Variants in DPYSL2 observed in about 807,000 individuals in gnomAD.
DPYSL2 encodes the protein dihydropyrimidinase like 2.
Under a neutral mutation model 69.9 loss-of-function variants are expected in DPYSL2, and 13 were observed. That is an observed-to-expected ratio of 0.19 (90% CI 0.12 to 0.30). The LOEUF (loss-of-function observed/expected upper bound fraction) is 0.30. Among genes scored for constraint, DPYSL2 ranks in the 10% least tolerant of loss-of-function variants. The probability of loss-of-function intolerance (pLI) is 1.00; values close to 1 mark genes in which losing one functional copy is unlikely to be tolerated. For missense variants in DPYSL2, 587 were observed against 918.9 expected (o/e 0.64, Z 4.67); for synonymous variants, 326 against 359.1 (o/e 0.91, Z 1.04).
rs1022930560 is a variant in DPYSL2, at chr8:26,585,518, G to C, written c.628+1535G>C. Among the ~76,000 whole-genome samples the C allele has an allele frequency of 6.6e-6, 1 of 152,122 alleles. No individual in the cohort carries two copies. Among genetic ancestry groups the C allele is most frequent in the Admixed American group, 6.5e-5 (1 of 15,270 alleles). Reference sequence around the variant, plus strand: ...TTGCGACTTGTGTCTTGCTGTACATGTTGCCCTTTAACCTAGTGGGTGCCA... The same window carrying C: ...TTGCGACTTGTGTCTTGCTGTACATCTTGCCCTTTAACCTAGTGGGTGCCA... On this transcript the variant is annotated intron_variant, in intron 3 of 13. Coordinates refer to ENST00000521913, the MANE Select transcript of DPYSL2 (RefSeq NM_001197293.3). This position sits in a 1 kb window ranked among gnomAD's most constrained non-coding sequence, Gnocchi z 4.0.
chr8:26,561,555 A>G (rs1268556238), intron 1 of DPYSL2, among the ~76,000 whole-genome samples: 3 of 147,272 alleles, frequency 2.0e-5, no homozygotes, highest in Non-Finnish European at 3.0e-5. Context: ...CCATAATCCC[A>G]CACCCCCACT....
At chr8:26,635,239 C>T (rs1802883623) in intron 8 of DPYSL2, among the ~76,000 whole-genome samples, 2 of 152,236 alleles carry the variant, frequency 1.3e-5, no homozygotes, top group Non-Finnish European at 2.9e-5. Context: ...TCCATCCGCC[C>T]CAGAATCCTT....
At chr8:26,570,150 G>C (rs778482632) in intron 1 of DPYSL2, among the ~76,000 whole-genome samples, 4 of 152,170 alleles carry the variant, frequency 2.6e-5, no homozygotes, top group Non-Finnish European at 4.4e-5. Context: ...CTACTAACCA[G>C]GGTCTTCTCT....
chr8:26,573,716 AAT>A (rs1447344981), intron 1 of DPYSL2, among the ~76,000 whole-genome samples: 1 of 150,984 alleles, frequency 6.6e-6, no homozygotes, highest in African/African-American at 2.4e-5. Flanking sequence ...GGGCACCTGT[AAT>A]CCCAGCTACT....
chr8:26,582,312 T>C lies in DPYSL2; in HGVS notation c.443+255T>C, dbSNP rs891958602. ...TTTACTATTTTTAACTGAGGTGATA[T>C]GATATCTTTCTGTTGCCAGCTCAAA... On this transcript the variant is annotated intron_variant, in intron 2 of 13. Transcript: ENST00000521913. This position sits in a 1 kb window ranked among gnomAD's most constrained non-coding sequence, Gnocchi z 4.1. 1.3e-5 allele frequency among the ~76,000 whole-genome samples: 2 copies of C among 152,264 alleles called. No individual in the cohort carries two copies. Among genetic ancestry groups the C allele is most frequent in the African/African-American group, 4.8e-5 (2 of 41,474 alleles).
At chr8:26,583,132 A>G (rs1463718197) in intron 2 of DPYSL2, among the ~76,000 whole-genome samples, 1 of 152,196 alleles carries the variant, frequency 6.6e-6, no homozygotes, top group East Asian at 1.9e-4. Flanking sequence ...CTTCTCCTAG[A>G]TTAATATTCC....
rs1412770590 is a variant in DPYSL2 at position 26,517,724 on chromosome 8, AAAC to A, written c.354+3049_354+3051del. On this transcript the variant is annotated intron_variant, in intron 1 of 13. Transcript: ENST00000521913. This position sits in a 1 kb window ranked among gnomAD's most constrained non-coding sequence, Gnocchi z 4.2. ...GCCTCTAGGCCCTTTTCCCAGCAGCAAACAACCTATGCAGGCTGGAGTGACAGG... is the reference window on the plus strand; with the variant it reads ...GCCTCTAGGCCCTTTTCCCAGCAGCAAACCTATGCAGGCTGGAGTGACAGG... 6.6e-6 allele frequency among the ~76,000 whole-genome samples: 1 copy of A among 152,244 alleles called. No individual in the cohort carries two copies. The highest frequency in any genetic ancestry group is 1.9e-4 in the East Asian group (1 of 5,186).
chr8:26,592,110 A>G (rs1182503120), intron 3 of DPYSL2, among the ~76,000 whole-genome samples: 2 of 152,200 alleles, frequency 1.3e-5, no homozygotes, highest in Non-Finnish European at 2.9e-5. Flanking sequence ...ATGACAGCCC[A>G]TAATAGGTGA....
At position 26,609,162 on chromosome 8, in the gene DPYSL2, T is replaced by C. The variant is rs1296445769; in HGVS notation, c.629-14981T>C. 1.3e-5 allele frequency among the ~76,000 whole-genome samples: 2 copies of C among 152,240 alleles called. No individual in the cohort carries two copies. Among genetic ancestry groups the C allele is most frequent in the Non-Finnish European group, 2.9e-5 (2 of 68,036 alleles). On this transcript the variant is annotated intron_variant, in intron 3 of 13. Coordinates refer to ENST00000521913, the MANE Select transcript of DPYSL2 (RefSeq NM_001197293.3). This position sits in a 1 kb window ranked among gnomAD's most constrained non-coding sequence, Gnocchi z 6.5. ...TTATGTATTGTCTGCCCATAAATGA[T>C]GTCTTGAAATAGAGGGGTGAGCATC...
chr8:26,608,612 CT>C (rs1167489361), intron 3 of DPYSL2, among the ~76,000 whole-genome samples: 2 of 152,184 alleles, frequency 1.3e-5, no homozygotes, highest in Non-Finnish European at 2.9e-5. Flanking sequence ...TAAAAGCTCC[CT>C]GAACAACAGG....
Position 26,586,386 on chromosome 8 carries a change from T to C in DPYSL2, c.628+2403T>C, listed in dbSNP as rs1801603175. 6.6e-6 allele frequency among the ~76,000 whole-genome samples: 1 copy of C among 152,186 alleles called. No individual in the cohort carries two copies. The highest frequency in any genetic ancestry group is 1.5e-5 in the Non-Finnish European group (1 of 68,038). ...CAGAGAGATTTTGCCTCTCATCAAG[T>C]ACATGTTGCTCAGCAGATACAGAAA... On this transcript the variant is annotated intron_variant, in intron 3 of 13. Transcript: ENST00000521913. This position sits in a 1 kb window ranked among gnomAD's most constrained non-coding sequence, Gnocchi z 4.7.
chr8:26,627,142 G>C lies in DPYSL2; in HGVS notation c.856-73G>C, dbSNP rs1277771570. On this transcript the variant is annotated intron_variant, in intron 5 of 13. Transcript: ENST00000521913. The surrounding 1 kb of genome is among the most constrained non-coding windows in gnomAD (Gnocchi z 6.9). ...TTCTCATCCCAGAAATGCCTCTGGT[G>C]GGGAGATGATTGTCTTTGTGAACAG... The C allele has an allele frequency of 2.1e-6, 3 of 1,402,734 alleles. No individual in the cohort carries two copies. The highest frequency in any genetic ancestry group is 1.4e-5 in the African/African-American group (1 of 70,934). 86.9% of individuals were successfully genotyped at this position (1,402,734 alleles called of 1,614,324 possible).
At chr8:26,629,944 AGCACACACACGT>A in intron 7 of DPYSL2, among the ~76,000 whole-genome samples, 1 of 151,248 alleles carries the variant, frequency 6.6e-6, no homozygotes, top group East Asian at 2.0e-4. Context: ...CACGTGCACA[AGCACACACACGT>A]GCACACACTC....
Position 26,533,037 on chromosome 8 carries a change from A to G in DPYSL2, c.354+18358A>G, listed in dbSNP as rs560520659. On this transcript the variant is annotated intron_variant, in intron 1 of 13. Coordinates refer to ENST00000521913, the MANE Select transcript of DPYSL2 (RefSeq NM_001197293.3). This position sits in a 1 kb window ranked among gnomAD's most constrained non-coding sequence, Gnocchi z 4.8. Reference sequence around the variant, plus strand: ...CCAACTTCGCCGCATCCTTGTCTACACTTGTTATTGTCTGTCTTTTTGATT... The same window carrying G: ...CCAACTTCGCCGCATCCTTGTCTACGCTTGTTATTGTCTGTCTTTTTGATT... Among the ~76,000 whole-genome samples the G allele has an allele frequency of 9.2e-5, 14 of 152,210 alleles. No individual in the cohort carries two copies. Among genetic ancestry groups the G allele is most frequent in the South Asian group, 4.2e-4 (2 of 4,812 alleles).
chr8:26,514,497 G>A lies in DPYSL2; in HGVS notation c.172G>A (p.Gly58Ser). 6.5e-7 allele frequency: 1 copy of A among 1,529,530 alleles called. No individual in the cohort carries two copies. The highest frequency in any genetic ancestry group is 8.7e-7 in the Non-Finnish European group (1 of 1,144,682). 94.7% of individuals were successfully genotyped at this position (1,529,530 alleles called of 1,614,324 possible). Reference sequence around the variant, plus strand: ...CATCGACTTCGACTCGCTGTCGGTGGGCCGGGGCTCGGGGCAGGTGGTGGC... The same window carrying A: ...CATCGACTTCGACTCGCTGTCGGTGAGCCGGGGCTCGGGGCAGGTGGTGGC... Reference protein sequence around the residue: ...KTIDFDSLSVGRGSGQVVAQQ... With the variant: ...KTIDFDSLSVSRGSGQVVAQQ... Residue 58 changes from glycine to serine, a missense_variant, in exon 1 of 14, where the codon GGC becomes AGC. By Grantham distance (56) the Gly-to-Ser change is moderately conservative. Coordinates refer to ENST00000521913, the MANE Select transcript of DPYSL2 (RefSeq NM_001197293.3). This position sits in a 1 kb window ranked among gnomAD's most constrained non-coding sequence, Gnocchi z 8.4.
Position 26,617,857 on chromosome 8 carries a change from G to A in DPYSL2, c.629-6286G>A, listed in dbSNP as rs1802391350. Among the ~76,000 whole-genome samples, 1 of 152,158 alleles carries A rather than the reference G, an allele frequency of 6.6e-6. No homozygotes were observed. ...GGTTTGGGAGTAGCAGGGGTAGGAG[G>A]GAATGGGGAGTGACTGTAAGTGGGT... On this transcript the variant is annotated intron_variant, in intron 3 of 13. Transcript: ENST00000521913. This position sits in a 1 kb window ranked among gnomAD's most constrained non-coding sequence, Gnocchi z 4.7.
rs916735091 is a variant in DPYSL2, at chr8:26,624,382, A to G, written c.793+75A>G. 7 of 1,542,384 alleles carry G rather than the reference A, an allele frequency of 4.5e-6. No homozygotes were observed. The African/African-American group carries it at 8.2e-5, about 18-fold the overall frequency. ...ATCAACTGGCACAGCCCTGGGAAGA[A>G]AGTGATAATGCTTCCAGATCCCATT... On this transcript the variant is annotated intron_variant, in intron 4 of 13. Coordinates refer to ENST00000521913, the MANE Select transcript of DPYSL2 (RefSeq NM_001197293.3). This position sits in a 1 kb window ranked among gnomAD's most constrained non-coding sequence, Gnocchi z 4.7.
Position 26,647,069 on chromosome 8 carries a change from TA to T in DPYSL2, c.1426-558del, listed in dbSNP as rs990120795. ...GCCAATTGGGCCAAATGATATTTCC[TA>T]AAGAGGGATTGCCACCCCTGCAAAT... On this transcript the variant is annotated intron_variant, in intron 10 of 13. Coordinates refer to ENST00000521913, the MANE Select transcript of DPYSL2 (RefSeq NM_001197293.3). The surrounding 1 kb of genome is among the most constrained non-coding windows in gnomAD (Gnocchi z 5.1). 4.6e-5 allele frequency among the ~76,000 whole-genome samples: 7 copies of T among 152,234 alleles called. No individual in the cohort carries two copies. The highest frequency in any genetic ancestry group is 1.7e-4 in the African/African-American group (7 of 41,530).
At chr8:26,543,920 C>T (rs1019585488) in intron 1 of DPYSL2, among the ~76,000 whole-genome samples, 3 of 152,202 alleles carry the variant, frequency 2.0e-5, no homozygotes, top group African/African-American at 7.2e-5. Context: ...GCTAGGATTA[C>T]AGGCATGAGC....
Sources: gnomAD v4.1 joint callset for allele counts (sites outside exome capture counted in the v4.1 genomes callset) on GRCh38, gnomAD v4.1.1 for gene constraint, Gnocchi (gnomAD v3.1) non-coding constraint, MANE v1.5 for transcripts, NCBI Gene and HGNC (gene_info 2026-07-23, HGNC 2026-07-21) for gene names.